Variants in ZNF609 observed in about 807,000 individuals in gnomAD.
The protein encoded by ZNF609 is zinc finger protein 609.
Under a neutral mutation model 109.5 loss-of-function variants are expected in ZNF609, and 11 were observed. The ratio of observed to expected loss-of-function variants is 0.10; its 90% CI spans 0.06 to 0.17. The LOEUF is 0.17. Among genes scored for constraint, ZNF609 ranks in the 10% least tolerant of loss-of-function variants. ZNF609 has a pLI of 1.00. For missense variants in ZNF609, 1,559 were observed against 1,772.4 expected (o/e 0.88, Z 2.16); for synonymous variants, 646 against 662.0 (o/e 0.98, Z 0.37).
Position 64,675,692 on chromosome 15 carries a change from A to C in ZNF609, c.2838A>C (p.Glu946Asp), listed in dbSNP as rs745411868. 2.5e-6 allele frequency: 4 copies of C among 1,614,028 alleles called. No individual in the cohort carries two copies. In the African/African-American group the frequency reaches 5.3e-5, roughly 22 times the overall value. The stretch of plus-strand genomic sequence containing the variant: ...AAGTGAAGAACGATATCTGTGAAGA[A>C]AAGAAGCCCGAGCTGAGCAGTTCCA... ...EGKVKNDICEEKKPELSSSSQ... is the reference protein window; with the variant it reads ...EGKVKNDICEDKKPELSSSSQ... Residue 946 changes from glutamate (E) to aspartate (D), a missense_variant, in exon 5 of 10, where the codon GAA (glutamate) becomes GAC (aspartate). This residue lies in a region of ZNF609 where 1,204 missense variants were observed against 1,314.1 expected (regional missense o/e 0.92). Coordinates refer to ENST00000326648, the MANE Select transcript of ZNF609 (RefSeq NM_015042.2).
intron 2 of ZNF609, among the ~76,000 whole-genome samples, chr15:64,524,823 A>G (rs72741391): frequency 0.25 from 37,884 of 151,980 alleles, 6,019 homozygotes; most frequent in Admixed American, 0.42. Flanking sequence ...TTTTTTTATT[A>G]TATACCTAGG....
At chr15:64,474,288 A>ACTGCAACCTCTGCCTCC in intron 1 of ZNF609, among the ~76,000 whole-genome samples, 1 of 150,342 alleles carries the variant, frequency 6.7e-6, no homozygotes, top group South Asian at 2.1e-4. Flanking sequence ...ATCTCGGCTC[A>ACTGCAACCTCTGCCTCC]CTGCAACCTC....
chr15:64,622,455 A>C lies in ZNF609; in HGVS notation c.748-372A>C, dbSNP rs371583618. On this transcript the variant is annotated intron_variant, in intron 2 of 9. Coordinates refer to ENST00000326648, the MANE Select transcript of ZNF609 (RefSeq NM_015042.2). Reference sequence around the variant, plus strand: ...TCAGATGCTGGGCCTTGTCTTTCTCATCAGTCTGTGTGCTCTGTTACTATT... The same window carrying C: ...TCAGATGCTGGGCCTTGTCTTTCTCCTCAGTCTGTGTGCTCTGTTACTATT... Among the ~76,000 whole-genome samples the C allele has an allele frequency of 7.2e-5, 11 of 152,202 alleles. No homozygotes were observed. The East Asian group carries it at 7.7e-4, about 11-fold the overall frequency.
chr15:64,643,038 A>C (rs1209154711), intron 3 of ZNF609, among the ~76,000 whole-genome samples: 1 of 152,186 alleles, frequency 6.6e-6, no homozygotes, highest in Non-Finnish European at 1.5e-5. Flanking sequence ...AATAGCGCTC[A>C]TAAATGCACA....
chr15:64,528,681 C>T (rs1439469580), intron 2 of ZNF609: 2 of 1,165,962 alleles, frequency 1.7e-6, no homozygotes, highest in South Asian at 1.2e-5. Flanking sequence ...TCCTTGGAGG[C>T]ATTGTGGGCC....
At chr15:64,529,747 T>C (rs1894029245) in intron 2 of ZNF609, 1 of 567,386 alleles carries the variant, frequency 1.8e-6, no homozygotes, top group Admixed American at 2.3e-5. Context: ...GAGACTTTTT[T>C]GAGACGGAGT....
At chr15:64,487,485 C>G (rs1047044381) in intron 1 of ZNF609, among the ~76,000 whole-genome samples, 5 of 152,108 alleles carry the variant, frequency 3.3e-5, no homozygotes, top group Non-Finnish European at 4.4e-5. Flanking sequence ...CTATCCAGTT[C>G]AAGATATAGA....
At chr15:64,625,881 T>A (rs1162964734) in intron 3 of ZNF609, among the ~76,000 whole-genome samples, 2 of 81,436 alleles carry the variant, frequency 2.5e-5, no homozygotes, top group Non-Finnish European at 4.2e-5. Flanking sequence ...AGAGCCAGAC[T>A]CCATCTCAAA....
intron 2 of ZNF609, among the ~76,000 whole-genome samples, chr15:64,580,667 G>A (rs540589): frequency 0.38 from 57,101 of 151,024 alleles, 12,114 homozygotes; most frequent in East Asian, 0.85. Flanking sequence ...TCAGCCTCCC[G>A]AGTAACTGGG....
At chr15:64,498,446 CA>C (rs2140349531) in intron 1 of ZNF609, among the ~76,000 whole-genome samples, 1 of 152,268 alleles carries the variant, frequency 6.6e-6, no homozygotes, top group African/African-American at 2.4e-5. Flanking sequence ...AATACAGTGC[CA>C]TCAGTATTAC....
chr15:64,638,886 G>A (rs969169372), intron 3 of ZNF609, among the ~76,000 whole-genome samples: 1 of 151,958 alleles, frequency 6.6e-6, no homozygotes, highest in Non-Finnish European at 1.5e-5. Flanking sequence ...ACAGAGTGAG[G>A]CCCTGTCTCA....
intron 3 of ZNF609, among the ~76,000 whole-genome samples, chr15:64,668,874 C>T (rs1896686717): frequency 6.7e-6 from 1 of 148,936 alleles, no homozygotes; most frequent in African/African-American, 2.5e-5. Flanking sequence ...ATTGCTTGAA[C>T]CCAGGAGGCG....
chr15:64,562,806 TAGC>T (rs1894701295), intron 2 of ZNF609, among the ~76,000 whole-genome samples: 1 of 152,046 alleles, frequency 6.6e-6, no homozygotes, highest in Admixed American at 6.6e-5. Context: ...ATTTTAATAT[TAGC>T]AGCAAGTTCT....
intron 2 of ZNF609, among the ~76,000 whole-genome samples, chr15:64,618,299 T>C (rs899235005): frequency 2.0e-5 from 3 of 152,158 alleles, no homozygotes; most frequent in African/African-American, 7.2e-5. Context: ...GCTCACTTCT[T>C]CACTGCCCTG....
chr15:64,620,698 G>A (rs1390686749), intron 2 of ZNF609, among the ~76,000 whole-genome samples: 1 of 152,090 alleles, frequency 6.6e-6, no homozygotes, highest in African/African-American at 2.4e-5. Flanking sequence ...AGCTCTTCAG[G>A]GACCAGAATT....
At chr15:64,476,737 C>T (rs140708680) in intron 1 of ZNF609, among the ~76,000 whole-genome samples, 48 of 152,306 alleles carry the variant, frequency 3.2e-4, no homozygotes, top group Non-Finnish European at 5.6e-4. Flanking sequence ...TAGAGACCTT[C>T]TAACCCAGTT....
intron 2 of ZNF609, among the ~76,000 whole-genome samples, chr15:64,588,442 A>AAAAAAAAAAAAAAAAGAAGAAG (rs71133451): frequency 2.7e-4 from 20 of 75,280 alleles, no homozygotes; most frequent in African/African-American, 9.7e-4. Context: ...AAAAAAAAAA[A>AAAAAAAAAAAAAAAAGAAGAAG]AAGAAGAGGA....
At chr15:64,468,341 G>A (rs181041217) in intron 1 of ZNF609, among the ~76,000 whole-genome samples, 66 of 150,840 alleles carry the variant, frequency 4.4e-4, no homozygotes, top group Non-Finnish European at 9.3e-4. Context: ...CCTTAAGACA[G>A]GGTCTCACTC....
At chr15:64,571,873 T>C (rs1444047701) in intron 2 of ZNF609, among the ~76,000 whole-genome samples, 1 of 152,098 alleles carries the variant, frequency 6.6e-6, no homozygotes, top group Non-Finnish European at 1.5e-5. Context: ...GATTTCGCCA[T>C]GTTGGTCAGG....
Sources: gnomAD v4.1 joint callset for allele counts (sites outside exome capture counted in the v4.1 genomes callset) on GRCh38, gnomAD v4.1.1 for gene constraint, gnomAD v4.1.1 regional missense constraint, MANE v1.5 for transcripts, NCBI Gene and HGNC (gene_info 2026-07-23, HGNC 2026-07-21) for gene names.